Variants in POT1 observed in about 807,000 individuals in gnomAD.
POT1 encodes the protein protection of telomeres 1.
POT1 carries 47 observed loss-of-function variants against 78.5 expected under a neutral mutation model. That is an observed-to-expected ratio of 0.60 (90% CI 0.47 to 0.76). The LOEUF (loss-of-function observed/expected upper bound fraction) is 0.76. Ranked by LOEUF, POT1 falls within the 30% of genes least tolerant of loss-of-function variation. The pLI is 0.00. For missense variants in POT1, 646 were observed against 749.9 expected (o/e 0.86, Z 1.62); for synonymous variants, 259 against 260.7 (o/e 0.99, Z 0.06).
At chr7:124,849,160 C>T (rs1253003574) in intron 11 of POT1, among the ~76,000 whole-genome samples, 1 of 152,076 alleles carries the variant, frequency 6.6e-6, no homozygotes, top group African/African-American at 2.4e-5. Flanking sequence ...GAATGGACAT[C>T]TCAAGCTGGC....
In POT1 at chr7:124,827,215, G is replaced by A. The variant is rs1554415832; in HGVS notation, c.1685C>T (p.Ser562Phe). The change falls in exon 17 of 19, where the codon TCT (serine) becomes TTT (phenylalanine). Residue 562 changes from serine to phenylalanine, a missense_variant and splice_region_variant. Coordinates refer to ENST00000357628, the MANE Select transcript of POT1 (RefSeq NM_015450.3). ...TGVLEAYLMD[S>F]DKFFQIPASE... ...ATCTTTATTACCTCTGATACTTACA[G>A]AATCCATGAGATAGGCTTCTAGTAC... 1 of 1,486,450 alleles carries A rather than the reference G, an allele frequency of 6.7e-7. No homozygotes were observed. Among genetic ancestry groups the A allele is most frequent in the South Asian group, 1.4e-5 (1 of 73,658 alleles). 92.1% of individuals were successfully genotyped at this position (1,486,450 alleles called of 1,614,324 possible).
chr7:124,845,936 C>T (rs1034864559), intron 12 of POT1, among the ~76,000 whole-genome samples: 5 of 152,042 alleles, frequency 3.3e-5, no homozygotes, highest in South Asian at 2.1e-4. Context: ...TAACTGAGAA[C>T]CCCCTTACTT....
chr7:124,844,383 C>T (rs1795108893), intron 12 of POT1, among the ~76,000 whole-genome samples: 1 of 149,860 alleles, frequency 6.7e-6, no homozygotes, highest in Non-Finnish European at 1.5e-5. Context: ...CCCGCCTCGG[C>T]CTCCCAAAGT....
At chr7:124,865,558 A>T (rs1795699301) in intron 7 of POT1, among the ~76,000 whole-genome samples, 1 of 151,484 alleles carries the variant, frequency 6.6e-6, no homozygotes, top group Non-Finnish European at 1.5e-5. Flanking sequence ...TAGATTTTTC[A>T]TTTGTTCTTT....
intron 3 of POT1, among the ~76,000 whole-genome samples, chr7:124,911,115 A>C (rs535120881): frequency 6.6e-6 from 1 of 152,212 alleles, no homozygotes; most frequent in African/African-American, 2.4e-5. Context: ...CTGAATTCTT[A>C]ATAATTTAGA....
At chr7:124,838,184 C>T in intron 14 of POT1, among the ~76,000 whole-genome samples, 1 of 151,942 alleles carries the variant, frequency 6.6e-6, no homozygotes, top group Non-Finnish European at 1.5e-5. Flanking sequence ...GTACTGGAAG[C>T]CCTATCTAAT....
chr7:124,885,293 CAAAAAAA>C (rs11372618), intron 6 of POT1, among the ~76,000 whole-genome samples: 161 of 63,254 alleles, frequency 2.5e-3, no homozygotes, highest in African/African-American at 9.4e-3. Context: ...TCCATCTCTC[CAAAAAAA>C]AAAAAAAAAA....
chr7:124,925,122 G>A (rs1184913189), intron 2 of POT1, among the ~76,000 whole-genome samples: 1 of 151,946 alleles, frequency 6.6e-6, no homozygotes, highest in Non-Finnish European at 1.5e-5. Context: ...AGAACAATGA[G>A]GCAAGGGAAA....
chr7:124,824,793 T>C (rs1794589583), intron 18 of POT1, among the ~76,000 whole-genome samples: 1 of 152,124 alleles, frequency 6.6e-6, no homozygotes, highest in Non-Finnish European at 1.5e-5. Context: ...ATTAATCAAA[T>C]GTTTATGCAG....
At chr7:124,920,301 T>C (rs760872918) in intron 2 of POT1, among the ~76,000 whole-genome samples, 26 of 152,230 alleles carry the variant, frequency 1.7e-4, no homozygotes, top group Non-Finnish European at 3.1e-4. Flanking sequence ...ATACGTATCA[T>C]AGTAAGTGAA....
At chr7:124,912,790 A>G (rs1221787514) in intron 3 of POT1, among the ~76,000 whole-genome samples, 1 of 152,136 alleles carries the variant, frequency 6.6e-6, no homozygotes, top group Non-Finnish European at 1.5e-5. Context: ...CAAATACAAA[A>G]GACTAGCAAG....
At chr7:124,869,470 A>G (rs1562996340) in intron 7 of POT1, among the ~76,000 whole-genome samples, 2 of 152,220 alleles carry the variant, frequency 1.3e-5, no homozygotes, top group African/African-American at 4.8e-5. Flanking sequence ...TATGTTTATG[A>G]AGAGTGTATT....
intron 2 of POT1, among the ~76,000 whole-genome samples, chr7:124,923,540 C>T (rs964254152): frequency 2.0e-5 from 3 of 151,594 alleles, no homozygotes; most frequent in African/African-American, 7.3e-5. Context: ...CTACATAAAG[C>T]AAACAAACAT....
chr7:124,847,539 T>C (rs1795201510), intron 11 of POT1, among the ~76,000 whole-genome samples: 1 of 152,176 alleles, frequency 6.6e-6, no homozygotes, highest in Non-Finnish European at 1.5e-5. Context: ...ATTGTAGAGA[T>C]TGCAAAGCAG....
intron 3 of POT1, among the ~76,000 whole-genome samples, chr7:124,907,214 A>G (rs1356461860): frequency 1.3e-5 from 2 of 152,180 alleles, no homozygotes; most frequent in Non-Finnish European, 2.9e-5. Context: ...CTTCAATATT[A>G]GCAAATGGGT....
chr7:124,900,143 T>C (rs1480018282), intron 3 of POT1, among the ~76,000 whole-genome samples: 1 of 152,178 alleles, frequency 6.6e-6, no homozygotes, highest in Non-Finnish European at 1.5e-5. Flanking sequence ...AAAACTGCAT[T>C]GAAGGCCCTT....
chr7:124,825,432 T>C (rs1794607455), intron 17 of POT1, 75 bp from the exon 18 acceptor site: 1 of 849,582 alleles, frequency 1.2e-6, no homozygotes, highest in Non-Finnish European at 1.8e-6. Flanking sequence ...AACACATATT[T>C]CAATATTGTC....
chr7:124,858,773 C>A, intron 9 of POT1, 184 bp downstream of exon 9: 1 of 406,436 alleles, frequency 2.5e-6, no homozygotes, highest in Non-Finnish European at 4.2e-6. Context: ...TTGCTCTAAC[C>A]CATTAAGTTT....
chr7:124,845,237 T>A (rs1795136746), intron 12 of POT1, among the ~76,000 whole-genome samples: 3 of 152,244 alleles, frequency 2.0e-5, no homozygotes, highest in African/African-American at 4.8e-5. Context: ...AAGTCTAAGA[T>A]CCAATTCTGG....
Sources: allele counts gnomAD v4.1 joint callset (sites outside exome capture counted in the v4.1 genomes callset), GRCh38; gene constraint gnomAD v4.1.1; transcripts MANE v1.5; gene names NCBI Gene and HGNC (gene_info 2026-07-23, HGNC 2026-07-21).